Variants in FBXL3 observed in about 807,000 individuals in gnomAD.
FBXL3 encodes the protein F-box/LRR-repeat protein 3.
Under a neutral mutation model 37.9 loss-of-function variants are expected in FBXL3, and 14 were observed. The observed-to-expected ratio is 0.37, with a 90% CI of 0.24 to 0.58. The LOEUF is 0.58. Ranked by LOEUF, FBXL3 falls within the 20% of genes least tolerant of loss-of-function variation. The pLI is 0.74. For synonymous variants in FBXL3, 194 were observed against 180.1 expected, an observed-to-expected ratio of 1.08 and a Z score of -0.62; for missense variants, 327 against 511.1, an observed-to-expected ratio of 0.64 and a Z score of 3.47.
intron 4 of FBXL3, among the ~76,000 whole-genome samples, chr13:77,012,024 A>G (rs1276055910): frequency 6.6e-6 from 1 of 152,236 alleles, no homozygotes; most frequent in African/African-American, 2.4e-5. Context: ...GTAGATTTCC[A>G]TTTATATGAA....
chr13:77,014,444 C>T (rs76803135), intron 4 of FBXL3: 8,050 of 152,316 alleles, frequency 0.053, 377 homozygotes, highest in East Asian at 0.21. Flanking sequence ...TGTTTTATAA[C>T]AGGCAGTGGT....
At position 77,007,671 on chromosome 13, in the gene FBXL3, T is replaced by A. The variant is rs1566226148; in HGVS notation, c.761A>T (p.His254Leu). Residue 254 changes from histidine to leucine, a missense_variant, in exon 5 of 5, where the codon CAT becomes CTT. By Grantham distance (99) the His-to-Leu change is moderately conservative. Transcript: ENST00000355619. ...LSSEKHVRLE[H>L]LRIDVVSENP... ...CTCACTGACTACATCAATGCGCAAA[T>A]GTTCTAATCGAACATGTTTTTCAGA... The A allele has an allele frequency of 6.2e-7, 1 of 1,614,232 alleles. No individual in the cohort carries two copies.
chr13:77,007,289 C>G lies in FBXL3; in HGVS notation c.1143G>C (p.Lys381Asn). The G allele has an allele frequency of 6.2e-7, 1 of 1,614,148 alleles. No individual in the cohort carries two copies. The highest frequency in any genetic ancestry group is 8.5e-7 in the Non-Finnish European group (1 of 1,180,028). ...VSCSAFVEFV[K>N]MCGGRLSQLS... is the part of the protein sequence containing the mutation. ...ATTGAGATAGGCGGCCACCACACATCTTCACAAACTCAACAAAGGCACTAC... is the reference window on the plus strand; with the variant it reads ...ATTGAGATAGGCGGCCACCACACATGTTCACAAACTCAACAAAGGCACTAC... Residue 381 changes from lysine (K) to asparagine (N), a missense_variant, in exon 5 of 5, where the codon AAG becomes AAC. Coordinates refer to ENST00000355619, the MANE Select transcript of FBXL3 (RefSeq NM_012158.4).
At chr13:77,010,699 G>A (rs1271721182) in intron 4 of FBXL3, 1 of 152,234 alleles carries the variant, frequency 6.6e-6, no homozygotes, top group African/African-American at 2.4e-5. Context: ...CTGGATGTCA[G>A]TCCAACAATC....
At position 77,021,547 on chromosome 13, in the gene FBXL3, C is replaced by T. The variant is rs1489988724; in HGVS notation, c.314G>A (p.Arg105Lys). 1 of 1,613,830 alleles carries T rather than the reference C, an allele frequency of 6.2e-7. No individual in the cohort carries two copies. The highest frequency in any genetic ancestry group is 1.7e-5 in the Admixed American group (1 of 60,000). The change falls in exon 2 of 5, where the codon AGA becomes AAA. Residue 105 changes from arginine to lysine, a missense_variant. Arg to Lys is a conservative substitution (Grantham distance 26, BLOSUM62 2). Coordinates refer to ENST00000355619, the MANE Select transcript of FBXL3 (RefSeq NM_012158.4). ...HPELIKQIIK[R>K]HSNHLQYVSF... ...GACATATTGTAGATGGTTTGAATGT[C>T]TTTTAATAATCTGTTTGATCAGCTC...
rs1368512745 is a variant in FBXL3 at position 77,027,081 on chromosome 13, C to G, written c.-256G>C. Reference sequence around the variant, plus strand: ...CCGCGCTGTCTGTGTTCAGGGATCCCCGGCGCCGCGAGAGACTACCTCAGC... The same window carrying G: ...CCGCGCTGTCTGTGTTCAGGGATCCGCGGCGCCGCGAGAGACTACCTCAGC... On this transcript the variant is annotated 5_prime_UTR_variant, in exon 1 of 5. Coordinates refer to ENST00000355619, the MANE Select transcript of FBXL3 (RefSeq NM_012158.4). The G allele has an allele frequency of 6.6e-6, 1 of 152,016 alleles. No individual in the cohort carries two copies. Among genetic ancestry groups the G allele is most frequent in the African/African-American group, 2.4e-5 (1 of 41,420 alleles). The allele number at this position is 152,016 out of a possible 1,614,324, so 9.4% of individuals were successfully genotyped here.
chr13:77,011,513 T>C (rs1018913235), intron 4 of FBXL3, among the ~76,000 whole-genome samples: 2 of 151,852 alleles, frequency 1.3e-5, no homozygotes, highest in Non-Finnish European at 2.9e-5. Flanking sequence ...CTTGAGCCCA[T>C]GAGTTCGAGA....
At chr13:77,012,721 G>A (rs2034576121) in intron 4 of FBXL3, 1 of 152,210 alleles carries the variant, frequency 6.6e-6, no homozygotes, top group Non-Finnish European at 1.5e-5. Flanking sequence ...ATGAAAATAT[G>A]AAATTTCAAC....
chr13:77,025,250 T>A (rs2034815867), intron 1 of FBXL3, among the ~76,000 whole-genome samples: 1 of 152,208 alleles, frequency 6.6e-6, no homozygotes, highest in Admixed American at 6.5e-5. Context: ...CTAGGCCTCT[T>A]CAGGGCTCTG....
In FBXL3 at chr13:77,010,381, G is replaced by C. The variant is rs2034528315; in HGVS notation, c.644-2593C>G. The C allele has an allele frequency of 2.0e-5, 3 of 152,174 alleles. No homozygotes were observed. The Middle Eastern group carries it at 0.01, about 518-fold the overall frequency. 9.4% of individuals were successfully genotyped at this position (152,174 alleles called of 1,614,324 possible). A position where few individuals can be genotyped will look rare whatever the true frequency, so the allele number is the denominator to read the frequency against. ...GCGTAATTCTCAAAATGGCCTCCAA[G>C]ATCCCACACCCTAATGCCTAGCATC... On this transcript the variant is annotated intron_variant, in intron 4 of 4. Coordinates refer to ENST00000355619, the MANE Select transcript of FBXL3 (RefSeq NM_012158.4).
Position 77,005,838 on chromosome 13 carries a change from T to TGAGGGA in FBXL3, c.*1306_*1307insTCCCTC, listed in dbSNP as rs2034443034. The TGAGGGA allele has an allele frequency of 1.3e-5, 2 of 152,176 alleles. No individual in the cohort carries two copies. Among genetic ancestry groups the TGAGGGA allele is most frequent in the African/African-American group, 4.8e-5 (2 of 41,442 alleles). The allele number at this position is 152,176 out of a possible 1,614,324, so 9.4% of individuals were successfully genotyped here. On this transcript the variant is annotated 3_prime_UTR_variant, in exon 5 of 5. Coordinates refer to ENST00000355619, the MANE Select transcript of FBXL3 (RefSeq NM_012158.4). ...CTGATTTCCCTCAGGAGGGTAGTAA[T>TGAGGGA]ATCTACTAGCACTAGTGCCCAGCAT...
chr13:77,006,894 C>G lies in FBXL3; in HGVS notation c.*251G>C. 7.7e-7 allele frequency: 1 copy of G among 1,302,000 alleles called. No homozygotes were observed. The highest frequency in any genetic ancestry group is 9.8e-7 in the Non-Finnish European group (1 of 1,024,410). The allele number at this position is 1,302,000 out of a possible 1,614,324, so 80.7% of individuals were successfully genotyped here. A position where few individuals can be genotyped will look rare whatever the true frequency, so the allele number is the denominator to read the frequency against. ...ACTGTAAACTGTTTAATACGTATAA[C>G]TGGTTATTTCACATCCGAACCACAT... On this transcript the variant is annotated 3_prime_UTR_variant, in exon 5 of 5. Coordinates refer to ENST00000355619, the MANE Select transcript of FBXL3 (RefSeq NM_012158.4).
chr13:77,026,226 A>C, intron 1 of FBXL3: 1 of 985,438 alleles, frequency 1.0e-6, no homozygotes, highest in African/African-American at 1.7e-5. Context: ...CCCTGTCTGC[A>C]ACCCCACCTA....
chr13:77,018,555 A>C, intron 3 of FBXL3, 45 bp downstream of exon 3: 1 of 1,465,884 alleles, frequency 6.8e-7, no homozygotes. Flanking sequence ...TTAGACTTTC[A>C]CTGAATTTCT....
At chr13:77,009,831 T>C (rs1013690083) in intron 4 of FBXL3, 2 of 152,128 alleles carry the variant, frequency 1.3e-5, no homozygotes, top group African/African-American at 4.8e-5. Context: ...CTGTTCACAA[T>C]AGCAAAGACT....
chr13:77,023,091 A>C (rs1026931601), intron 1 of FBXL3, among the ~76,000 whole-genome samples: 10 of 152,320 alleles, frequency 6.6e-5, no homozygotes, highest in African/African-American at 2.4e-4. Context: ...AACATGCTAA[A>C]AACCAGGGTT....
chr13:77,026,457 G>C lies in FBXL3; in HGVS notation c.-2+370C>G, dbSNP rs1013233992. Reference sequence around the variant, plus strand: ...AGCACGGGCGTAGCCGACGCCGGGAGAGCCCACAGAGTGCGAGCTCCATGG... The same window carrying C: ...AGCACGGGCGTAGCCGACGCCGGGACAGCCCACAGAGTGCGAGCTCCATGG... On this transcript the variant is annotated intron_variant, in intron 1 of 4. Transcript: ENST00000355619. 6.3e-6 allele frequency: 5 copies of C among 789,836 alleles called. No individual in the cohort carries two copies. The South Asian group carries it at 2.3e-4, about 36-fold the overall frequency. The allele number at this position is 789,836 out of a possible 1,614,324, so 48.9% of individuals were successfully genotyped here. A position where few individuals can be genotyped will look rare whatever the true frequency, so the allele number is the denominator to read the frequency against.
chr13:77,014,525 G>C (rs955617277), intron 4 of FBXL3: 2 of 152,240 alleles, frequency 1.3e-5, no homozygotes, highest in Non-Finnish European at 2.9e-5. Flanking sequence ...GGAGTCTCCT[G>C]TGGGAGAAAA....
intron 4 of FBXL3, 67 bp downstream of exon 4, chr13:77,015,342 A>G: frequency 1.7e-6 from 2 of 1,158,598 alleles, no homozygotes; most frequent in Non-Finnish European, 1.2e-6. Context: ...TAATGATCAT[A>G]GTTTTTTCTA....
Sources: gnomAD v4.1 joint callset for allele counts (sites outside exome capture counted in the v4.1 genomes callset) on GRCh38, gnomAD v4.1.1 for gene constraint, MANE v1.5 for transcripts, NCBI Gene and HGNC (gene_info 2026-07-23, HGNC 2026-07-21) for gene names.